Variants in SPATA18 observed in about 807,000 individuals in gnomAD.
SPATA18 encodes mitochondria-eating protein.
A neutral mutation model predicts 68.1 loss-of-function variants in SPATA18; 54 were observed. The ratio of observed to expected loss-of-function variants is 0.79; its 90% CI spans 0.64 to 0.99. The LOEUF is 0.99. Ranked by LOEUF, SPATA18 falls within the 50% of genes least tolerant of loss-of-function variation. The pLI, the probability that SPATA18 is intolerant of heterozygous loss-of-function variation, is 0.00. For missense variants in SPATA18, 724 were observed against 681.1 expected (o/e 1.06, Z -0.70); for synonymous variants, 242 against 244.8 (o/e 0.99, Z 0.11).
At chr4:52,085,848 T>C (rs2109517007) in intron 11 of SPATA18, among the ~76,000 whole-genome samples, 1 of 152,274 alleles carries the variant, frequency 6.6e-6, no homozygotes. Flanking sequence ...AGGTCGAGGC[T>C]GCAGTTAGCC....
chr4:52,063,238 C>A (rs1250804425), intron 4 of SPATA18, among the ~76,000 whole-genome samples: 7 of 152,112 alleles, frequency 4.6e-5, no homozygotes, highest in Admixed American at 3.3e-4. Context: ...TTCCATTTTT[C>A]TAAGGAAGAA....
chr4:52,086,806 G>A (rs1211412464), intron 11 of SPATA18, among the ~76,000 whole-genome samples: 1 of 152,156 alleles, frequency 6.6e-6, no homozygotes, highest in African/African-American at 2.4e-5. Flanking sequence ...GGGTCAAATG[G>A]TATTTCCAGT....
chr4:52,095,127 A>G lies in SPATA18; in HGVS notation c.*240A>G. ...ATTAATTTCATAAAAATGATTGTAT[A>G]GGCATTTAGGATCATATTCATTCGA... is the stretch of plus-strand genomic sequence containing the variant. On this transcript the variant is annotated 3_prime_UTR_variant, in exon 13 of 13. Coordinates refer to ENST00000295213, the MANE Select transcript of SPATA18 (RefSeq NM_145263.4). The G allele has an allele frequency of 1.8e-6, 1 of 560,250 alleles. No individual in the cohort carries two copies. Among genetic ancestry groups the G allele is most frequent in the Admixed American group, 3.2e-5 (1 of 30,862 alleles). 34.7% of individuals were successfully genotyped at this position (560,250 alleles called of 1,614,324 possible).
intron 1 of SPATA18, 132 bp downstream of exon 1, chr4:52,051,923 T>C: frequency 1.3e-6 from 1 of 779,824 alleles, no homozygotes; most frequent in Non-Finnish European, 2.2e-6. Flanking sequence ...CTAACCAGGA[T>C]CTCAGCTTTC....
chr4:52,068,400 A>G (rs1186964135), intron 4 of SPATA18, among the ~76,000 whole-genome samples: 1 of 152,234 alleles, frequency 6.6e-6, no homozygotes, highest in Non-Finnish European at 1.5e-5. Flanking sequence ...AATAAAATAA[A>G]ATTATTGCCC....
intron 6 of SPATA18, among the ~76,000 whole-genome samples, chr4:52,075,875 G>A (rs891646968): frequency 2.0e-5 from 3 of 152,214 alleles, no homozygotes; most frequent in African/African-American, 7.2e-5. Flanking sequence ...TTTCTTCATG[G>A]GAACAACAAG....
chr4:52,092,549 A>G (rs1393278246), intron 11 of SPATA18, among the ~76,000 whole-genome samples: 2 of 152,182 alleles, frequency 1.3e-5, no homozygotes, highest in South Asian at 2.1e-4. Context: ...CCTCTGTCCA[A>G]CCAGTTCCAA....
intron 4 of SPATA18, among the ~76,000 whole-genome samples, chr4:52,065,712 G>A (rs925371277): frequency 2.6e-5 from 4 of 152,152 alleles, no homozygotes; most frequent in Admixed American, 6.5e-5. Context: ...TGCTGCCCAC[G>A]ATGGAATGAA....
At chr4:52,070,552 G>T (rs1168217141) in intron 5 of SPATA18, among the ~76,000 whole-genome samples, 1 of 136,532 alleles carries the variant, frequency 7.3e-6, no homozygotes, top group Non-Finnish European at 1.6e-5. Flanking sequence ...GGGGAGGGGG[G>T]AGGGATAGCA....
chr4:52,077,892 G>A (rs751208071), intron 7 of SPATA18, among the ~76,000 whole-genome samples: 12 of 152,150 alleles, frequency 7.9e-5, no homozygotes, highest in East Asian at 1.9e-4. Context: ...GAGAGTTCAT[G>A]AGGAGAATTG....
In SPATA18 at chr4:52,080,028, C is replaced by CACT; in HGVS notation, c.1355+112_1355+114dup. The CACT allele has an allele frequency of 2.5e-6, 3 of 1,212,444 alleles. No individual in the cohort carries two copies. The South Asian group carries it at 4.4e-5, about 18-fold the overall frequency. The allele number at this position is 1,212,444 out of a possible 1,614,324, so 75.1% of individuals were successfully genotyped here. A position where few individuals can be genotyped will look rare whatever the true frequency, so the allele number is the denominator to read the frequency against. On this transcript the variant is annotated intron_variant, in intron 9 of 12. Coordinates refer to ENST00000295213, the MANE Select transcript of SPATA18 (RefSeq NM_145263.4). ...AACTCTGGGTGGAGAAATTAACAGA[C>CACT]ACTACCTGATTTTCAGGCCCTACCA...
rs556717074 is a variant in SPATA18 at position 52,060,900 on chromosome 4, A to G, written c.309+3A>G. 1.2e-6 allele frequency: 2 copies of G among 1,610,422 alleles called. No homozygotes were observed. Among genetic ancestry groups the G allele is most frequent in the African/African-American group, 1.3e-5 (1 of 74,980 alleles). On this transcript the variant is annotated splice_donor_region_variant and intron_variant, in intron 3 of 12. Transcript: ENST00000295213. ...ACAGCAAGGTCCCCTCTCTGCAGGT[A>G]GGGATGCTGAAGGATAACCCTTGAC...
chr4:52,067,210 G>C (rs1476636592), intron 4 of SPATA18, among the ~76,000 whole-genome samples: 1 of 152,090 alleles, frequency 6.6e-6, no homozygotes, highest in Non-Finnish European at 1.5e-5. Flanking sequence ...GCATGAGATG[G>C]TATCTCATTG....
Position 52,051,592 on chromosome 4 carries a change from C to A in SPATA18, c.-113C>A. On this transcript the variant is annotated 5_prime_UTR_variant, in exon 1 of 13. Coordinates refer to ENST00000295213, the MANE Select transcript of SPATA18 (RefSeq NM_145263.4). Reference sequence around the variant, plus strand: ...TGGAAACACCTGCCGCGCTCTGAGCCCCCCAGAAGAGAACACCCTTCCCGC... The same window carrying A: ...TGGAAACACCTGCCGCGCTCTGAGCACCCCAGAAGAGAACACCCTTCCCGC... 2 of 993,008 alleles carry A rather than the reference C, an allele frequency of 2.0e-6. No homozygotes were observed. The highest frequency in any genetic ancestry group is 3.2e-6 in the Non-Finnish European group (2 of 633,778). 61.5% of individuals were successfully genotyped at this position (993,008 alleles called of 1,614,324 possible).
rs143324533 is a variant in SPATA18 at position 52,094,534 on chromosome 4, G to A, written c.1571G>A (p.Arg524Gln). 4.4e-5 allele frequency: 71 copies of A among 1,613,086 alleles called. No individual in the cohort carries two copies. The highest frequency in any genetic ancestry group is 9.4e-5 in the African/African-American group (7 of 74,860). Residue 524 changes from arginine (R) to glutamine (Q), a missense_variant, in exon 12 of 13, where the codon CGA (arginine) becomes CAA (glutamine). By Grantham distance (43) the Arg-to-Gln change is conservative. Coordinates refer to ENST00000295213, the MANE Select transcript of SPATA18 (RefSeq NM_145263.4). ...RSQIGLNTMS[R>Q]SRSPSPIRCG... Reference sequence around the variant, plus strand: ...TTCTTTTATATTTTCCAGATGTCTCGAAGTCGGAGTCCTTCTCCAATAAGA... The same window carrying A: ...TTCTTTTATATTTTCCAGATGTCTCAAAGTCGGAGTCCTTCTCCAATAAGA...
At chr4:52,094,483 C>A in intron 11 of SPATA18, 44 bp from the exon 12 acceptor site, 1 of 1,581,906 alleles carries the variant, frequency 6.3e-7, no homozygotes, top group Non-Finnish European at 8.7e-7. Flanking sequence ...ATCCTTTGAG[C>A]TCCGTCTACT....
chr4:52,093,021 G>A (rs1392516491), intron 11 of SPATA18, among the ~76,000 whole-genome samples: 4 of 152,026 alleles, frequency 2.6e-5, no homozygotes, highest in Admixed American at 6.6e-5. Context: ...GGAGAGGATC[G>A]GGAAAAATAA....
chr4:52,078,301 C>T (rs1740582662), intron 7 of SPATA18: 1 of 152,914 alleles, frequency 6.5e-6, no homozygotes, highest in South Asian at 2.1e-4. Flanking sequence ...GCTTACCACA[C>T]CATAAGCATT....
chr4:52,078,883 G>T lies in SPATA18; in HGVS notation c.1169G>T (p.Ser390Ile), dbSNP rs112495967. 1.2e-4 allele frequency: 188 copies of T among 1,581,348 alleles called. 3 individuals carry two copies. In the African/African-American group the frequency reaches 1.4e-3, roughly 12 times the overall value. The change falls in exon 8 of 13, where the codon AGC becomes ATC. Residue 390 changes from serine to isoleucine, a missense_variant. By Grantham distance (142) the Ser-to-Ile change is moderately radical. Coordinates refer to ENST00000295213, the MANE Select transcript of SPATA18 (RefSeq NM_145263.4). Reference sequence around the variant, plus strand: ...CATCTTGATCTATATGATTCTCAAAGCAGTGTCAATGTAAGTGTTGAGTCT... The same window carrying T: ...CATCTTGATCTATATGATTCTCAAATCAGTGTCAATGTAAGTGTTGAGTCT... ...ICHLDLYDSQ[S>I]SVNDVIRAMN...
Sources: gnomAD v4.1 joint callset for allele counts (sites outside exome capture counted in the v4.1 genomes callset) on GRCh38, gnomAD v4.1.1 for gene constraint, MANE v1.5 for transcripts, NCBI Gene and HGNC (gene_info 2026-07-23, HGNC 2026-07-21) for gene names.